Variants in TDRD5 observed in about 807,000 individuals in gnomAD.
TDRD5 encodes tudor domain containing 5.
A neutral mutation model predicts 120.6 loss-of-function variants in TDRD5; 41 were observed. The observed-to-expected ratio is 0.34, with a 90% CI of 0.26 to 0.44. The LOEUF is 0.44. TDRD5 is among the 20% of genes least tolerant of loss of function. TDRD5 has a pLI of 1.00. For missense variants in TDRD5, 1,006 were observed against 1,221.2 expected, an observed-to-expected ratio of 0.82 and a Z score of 2.63; for synonymous variants, 430 against 433.7, an observed-to-expected ratio of 0.99 and a Z score of 0.11.
intron 4 of TDRD5, among the ~76,000 whole-genome samples, chr1:179,614,703 T>A (rs1466141105): frequency 6.6e-6 from 1 of 152,096 alleles, no homozygotes; most frequent in Non-Finnish European, 1.5e-5. Flanking sequence ...ATTTCCTTTC[T>A]GATACCTTCA....
chr1:179,618,541 C>A, intron 4 of TDRD5, 58 bp from the exon 5 acceptor site: 1 of 1,341,916 alleles, frequency 7.5e-7, no homozygotes, highest in South Asian at 1.4e-5. Flanking sequence ...TTAGATCTAC[C>A]TTTGACTTTC....
intron 7 of TDRD5, among the ~76,000 whole-genome samples, chr1:179,631,378 C>T (rs1311353112): frequency 1.3e-5 from 2 of 151,918 alleles, no homozygotes; most frequent in Admixed American, 6.6e-5. Context: ...GGTGACAGAG[C>T]GAGACTCTGT....
rs1177106017 is a variant in TDRD5 at position 179,628,199 on chromosome 1, CAT to C, written c.973-2565_973-2564del. Among the ~76,000 whole-genome samples the C allele has an allele frequency of 3.3e-5, 5 of 151,418 alleles. No individual in the cohort carries two copies. The South Asian group carries it at 8.3e-4, about 25-fold the overall frequency. The stretch of plus-strand genomic sequence containing the variant: ...AAATCATGTAAACAGGATATATACA[CAT>C]ATTTTAAGGCATAAATCTAAACTCT... On this transcript the variant is annotated intron_variant, in intron 6 of 17. Coordinates refer to ENST00000444136, the MANE Select transcript of TDRD5 (RefSeq NM_001199085.3).
At chr1:179,618,223 C>T (rs936492966) in intron 4 of TDRD5, among the ~76,000 whole-genome samples, 1 of 152,220 alleles carries the variant, frequency 6.6e-6, no homozygotes, top group Non-Finnish European at 1.5e-5. Context: ...ACCATCCCAT[C>T]TCTTCCCTGC....
chr1:179,602,006 A>G (rs895570195), intron 4 of TDRD5, among the ~76,000 whole-genome samples: 12 of 152,204 alleles, frequency 7.9e-5, no homozygotes, highest in African/African-American at 1.2e-4. Flanking sequence ...GGGTTTCACC[A>G]TGTTGTCCAG....
In TDRD5 at chr1:179,593,453, G is replaced by A. The variant is rs772433473; in HGVS notation, c.233-7G>A. 1.9e-5 allele frequency: 31 copies of A among 1,609,034 alleles called. No homozygotes were observed. Among genetic ancestry groups the A allele is most frequent in the South Asian group, 6.6e-5 (6 of 90,774 alleles). ...CCTAAATATGATTTCTATTTTTCAC[G>A]TCTCAGCCATTCCAGATGAATCTAC... On this transcript the variant is annotated splice_polypyrimidine_tract_variant and splice_region_variant and intron_variant, in intron 2 of 17. Transcript: ENST00000444136.
chr1:179,611,881 AT>A, intron 4 of TDRD5, among the ~76,000 whole-genome samples: 1 of 152,312 alleles, frequency 6.6e-6, no homozygotes, highest in East Asian at 1.9e-4. Flanking sequence ...CACCAGAACA[AT>A]TTAAATCTTG....
intron 6 of TDRD5, among the ~76,000 whole-genome samples, chr1:179,622,683 A>T (rs1676902781): frequency 6.6e-6 from 1 of 152,166 alleles, no homozygotes; most frequent in Non-Finnish European, 1.5e-5. Context: ...GCTTTAGTAA[A>T]CTTCAAGACA....
chr1:179,611,494 T>A (rs2101945977), intron 4 of TDRD5, among the ~76,000 whole-genome samples: 1 of 152,318 alleles, frequency 6.6e-6, no homozygotes, highest in East Asian at 1.9e-4. Flanking sequence ...CCAAGTAGAC[T>A]ACCCTACCAT....
At chr1:179,675,349 G>A (rs1215745557) in intron 17 of TDRD5, among the ~76,000 whole-genome samples, 3 of 128,486 alleles carry the variant, frequency 2.3e-5, no homozygotes, top group African/African-American at 6.0e-5. Context: ...GCGCTATCCC[G>A]GCTCACTGCA....
At chr1:179,617,915 C>A (rs7520524) in intron 4 of TDRD5, among the ~76,000 whole-genome samples, 42,372 of 152,050 alleles carry the variant, frequency 0.28, 6,159 homozygotes, top group East Asian at 0.41. Context: ...GACTTCCTAC[C>A]TGCTAAGTTT....
intron 11 of TDRD5, among the ~76,000 whole-genome samples, chr1:179,648,627 GA>G (rs537409712): frequency 0.01 from 1,409 of 139,026 alleles, 30 homozygotes; most frequent in Admixed American, 0.055. Flanking sequence ...CCACCCTGAG[GA>G]AAAAAAAAAC....
At chr1:179,663,235 T>TA in intron 15 of TDRD5, 113 bp from the exon 16 acceptor site, 1 of 1,252,528 alleles carries the variant, frequency 8.0e-7, no homozygotes, top group Non-Finnish European at 1.1e-6. Flanking sequence ...AGTTAATAAA[T>TA]ACCTTTTTTA....
intron 9 of TDRD5, among the ~76,000 whole-genome samples, chr1:179,636,535 A>T (rs1677773340): frequency 6.6e-6 from 1 of 152,254 alleles, no homozygotes; most frequent in African/African-American, 2.4e-5. Context: ...AGAATATTAA[A>T]GCAAGCACAA....
chr1:179,654,702 AGGTGGCAGTGAGCT>A (rs1268719123), intron 14 of TDRD5, among the ~76,000 whole-genome samples: 1 of 152,152 alleles, frequency 6.6e-6, no homozygotes, highest in African/African-American at 2.4e-5. Context: ...CAGGAGGTGG[AGGTGGCAGTGAGCT>A]GAGATCGTGC....
rs1284622014 is a variant in TDRD5, at chr1:179,630,883, A to G, written c.1089A>G (p.Leu363=). 1 of 1,613,760 alleles carries G rather than the reference A, an allele frequency of 6.2e-7. No homozygotes were observed. Among genetic ancestry groups the G allele is most frequent in the African/African-American group, 1.3e-5 (1 of 75,046 alleles). ...HVEFRKGHQD[L]LVFDADKKPL... ...AGTTCAGGAAAGGACACCAAGACTTACTAGTGTTTGATGCGGATAAGAAGC... is the reference window on the plus strand; with the variant it reads ...AGTTCAGGAAAGGACACCAAGACTTGCTAGTGTTTGATGCGGATAAGAAGC... Residue 363 remains leucine, a synonymous_variant, in exon 7 of 18, where the codon TTA becomes TTG. Coordinates refer to ENST00000444136, the MANE Select transcript of TDRD5 (RefSeq NM_001199085.3).
intron 14 of TDRD5, among the ~76,000 whole-genome samples, chr1:179,660,668 T>TGC (rs1679265237): frequency 1.3e-5 from 2 of 152,224 alleles, no homozygotes; most frequent in Admixed American, 1.3e-4. Context: ...CCTTGTCTTA[T>TGC]ATATTACACC....
At chr1:179,680,468 G>T (rs78917310) in intron 17 of TDRD5, among the ~76,000 whole-genome samples, 1 of 152,038 alleles carries the variant, frequency 6.6e-6, no homozygotes, top group South Asian at 2.1e-4. Context: ...TTGAAGCTCT[G>T]TTAATTAGGG....
chr1:179,681,830 A>G (rs923354575), intron 17 of TDRD5, among the ~76,000 whole-genome samples: 8 of 145,082 alleles, frequency 5.5e-5, no homozygotes, highest in Admixed American at 2.1e-4. Flanking sequence ...TCACTGATAC[A>G]TTTCTTACTC....
Sources: allele counts gnomAD v4.1 joint callset (sites outside exome capture counted in the v4.1 genomes callset), GRCh38; gene constraint gnomAD v4.1.1; transcripts MANE v1.5; gene names NCBI Gene and HGNC (gene_info 2026-07-23, HGNC 2026-07-21).